Variants in DPP6 observed in about 807,000 individuals in gnomAD.
DPP6 encodes A-type potassium channel modulatory protein DPP6.
DPP6 carries 69 observed loss-of-function variants against 122.6 expected under a neutral mutation model. The observed-to-expected ratio is 0.56, with a 90% confidence interval of 0.46 to 0.69. The LOEUF (loss-of-function observed/expected upper bound fraction) is 0.69. DPP6 is among the 30% of genes least tolerant of loss of function. The pLI is 0.00. For synonymous variants in DPP6, 418 were observed against 433.1 expected (o/e 0.97, Z 0.43); for missense variants, 928 against 1,116.9 (o/e 0.83, Z 2.41).
chr7:154,392,768 AT>A (rs1291403430), intron 1 of DPP6, among the ~76,000 whole-genome samples: 1 of 152,226 alleles, frequency 6.6e-6, no homozygotes, highest in Non-Finnish European at 1.5e-5. Context: ...GCACAAGGTT[AT>A]AATTGTGTAG....
At chr7:154,753,836 G>A (rs1327640419) in intron 8 of DPP6, among the ~76,000 whole-genome samples, 2 of 152,142 alleles carry the variant, frequency 1.3e-5, no homozygotes, top group Non-Finnish European at 2.9e-5. Context: ...GACTGTGGAG[G>A]ATGCCCATGC....
chr7:154,147,926 G>A (rs1177253038), intron 1 of DPP6, among the ~76,000 whole-genome samples: 1 of 151,676 alleles, frequency 6.6e-6, no homozygotes, highest in East Asian at 1.9e-4. Flanking sequence ...CAGTGCTTTC[G>A]ATAGCCCAAG....
chr7:153,956,855 G>A (rs1453311742), intron 1 of DPP6, among the ~76,000 whole-genome samples: 1 of 152,066 alleles, frequency 6.6e-6, no homozygotes, highest in East Asian at 1.9e-4. Context: ...CAACACCATT[G>A]CTGTCTGGAA....
chr7:154,575,519 T>TGTATGTGC (rs1831581495), intron 5 of DPP6, among the ~76,000 whole-genome samples: 1 of 131,278 alleles, frequency 7.6e-6, no homozygotes, highest in African/African-American at 3.0e-5. Flanking sequence ...GTGTGGTGTG[T>TGTATGTGC]GTATGTGCGT....
At chr7:154,786,482 A>G (rs1463957375) in intron 10 of DPP6, among the ~76,000 whole-genome samples, 2 of 152,066 alleles carry the variant, frequency 1.3e-5, no homozygotes, top group Admixed American at 1.3e-4. Context: ...TGTTCTCTTG[A>G]TAGTGAATGA....
intron 5 of DPP6, among the ~76,000 whole-genome samples, chr7:154,632,246 T>C (rs1835449996): frequency 6.6e-6 from 1 of 152,180 alleles, no homozygotes; most frequent in African/African-American, 2.4e-5. Context: ...AGGCTGAACT[T>C]AAAACATGTA....
chr7:154,775,406 C>T (rs957725658), intron 10 of DPP6, among the ~76,000 whole-genome samples: 1 of 152,272 alleles, frequency 6.6e-6, no homozygotes, highest in African/African-American at 2.4e-5. Flanking sequence ...TGTACCTCAA[C>T]CTGGCCTGGG....
chr7:154,052,903 T>C lies in DPP6; in HGVS notation c.83T>C (p.Leu28Pro). 1 of 1,517,246 alleles carries C rather than the reference T, an allele frequency of 6.6e-7. No homozygotes were observed. Among genetic ancestry groups the C allele is most frequent in the Middle Eastern group, 1.8e-4 (1 of 5,592 alleles). 94.0% of individuals were successfully genotyped at this position (1,517,246 alleles called of 1,614,324 possible). The change falls in exon 1 of 26, where the codon CTG becomes CCG. Residue 28 changes from leucine (L) to proline (P), a missense_variant. Leu to Pro is a moderately conservative substitution (Grantham distance 98). Transcript: ENST00000377770. The surrounding 1 kb of genome is among the most constrained non-coding windows in gnomAD (Gnocchi z 4.8). ...FPAPPEASHL[L>P]GGQGPEEDGG... ...GCGCCCCCGGAGGCGAGTCACCTCC[T>C]GGGCGGCCAGGGGCCCGAGGAGGAC...
intron 7 of DPP6, among the ~76,000 whole-genome samples, chr7:154,694,631 C>A (rs1475603749): frequency 6.6e-6 from 1 of 152,034 alleles, no homozygotes; most frequent in Non-Finnish European, 1.5e-5. Flanking sequence ...AACCAGAAGG[C>A]ATAGGAATCT....
chr7:154,245,986 G>C (rs1045378088), intron 1 of DPP6, among the ~76,000 whole-genome samples: 1 of 152,116 alleles, frequency 6.6e-6, no homozygotes, highest in East Asian at 1.9e-4. Context: ...TATTTTTAAA[G>C]TGCAAGTAGA....
intron 4 of DPP6, among the ~76,000 whole-genome samples, chr7:154,562,248 C>T (rs940889176): frequency 4.6e-5 from 7 of 152,028 alleles, no homozygotes; most frequent in East Asian, 1.9e-4. Context: ...TAATACATCA[C>T]GGTCGAATAG....
Position 154,875,026 on chromosome 7 carries a change from A to G in DPP6, c.1884-880A>G, listed in dbSNP as rs2150651319. ...AAAGTGGGAGGATTGCTTGAGCCCCAGAGGTCAAGCCTGCAGTGAACCAAG... is the reference window on the plus strand; with the variant it reads ...AAAGTGGGAGGATTGCTTGAGCCCCGGAGGTCAAGCCTGCAGTGAACCAAG... On this transcript the variant is annotated intron_variant, in intron 19 of 25. Coordinates refer to ENST00000377770, the MANE Select transcript of DPP6 (RefSeq NM_130797.4). This position sits in a 1 kb window ranked among gnomAD's most constrained non-coding sequence, Gnocchi z 4.5. 6.6e-6 allele frequency among the ~76,000 whole-genome samples: 1 copy of G among 152,206 alleles called. No individual in the cohort carries two copies. The highest frequency in any genetic ancestry group is 2.1e-4 in the South Asian group (1 of 4,810).
chr7:154,468,082 A>G (rs1821945198), intron 2 of DPP6, among the ~76,000 whole-genome samples: 1 of 152,246 alleles, frequency 6.6e-6, no homozygotes, highest in Admixed American at 6.5e-5. Flanking sequence ...GCATGAAAAG[A>G]TGCTCAACAT....
intron 1 of DPP6, among the ~76,000 whole-genome samples, chr7:154,431,534 C>G (rs1246093569): frequency 1.0e-5 from 1 of 98,878 alleles, no homozygotes; most frequent in Non-Finnish European, 2.1e-5. Context: ...TTCTTTCTTT[C>G]TTTTTTTTTT....
chr7:154,726,970 G>A (rs1842096695), intron 7 of DPP6, among the ~76,000 whole-genome samples: 1 of 152,112 alleles, frequency 6.6e-6, no homozygotes, highest in Non-Finnish European at 1.5e-5. Flanking sequence ...CAATTCTCTA[G>A]GAAGTTTCAA....
the DPP6 span, among the ~76,000 whole-genome samples, chr7:153,870,164 G>A: frequency 6.6e-6 from 1 of 152,144 alleles, no homozygotes; most frequent in African/African-American, 2.4e-5. Context: ...TCTTTGTGGT[G>A]TTCTCTGTAC....
chr7:154,321,079 G>A (rs55815709), intron 1 of DPP6, among the ~76,000 whole-genome samples: 8,116 of 152,074 alleles, frequency 0.053, 284 homozygotes, highest in Middle Eastern at 0.085. Context: ...CAAAGAAAAT[G>A]TTCCACAGTT....
At chr7:153,964,247 C>T (rs950096169) in intron 1 of DPP6, among the ~76,000 whole-genome samples, 27 of 152,226 alleles carry the variant, frequency 1.8e-4, no homozygotes, top group African/African-American at 6.3e-4. Flanking sequence ...CCACCTGCCT[C>T]GGCCTCCCAA....
At chr7:154,544,473 T>C (rs935408534) in intron 4 of DPP6, among the ~76,000 whole-genome samples, 1 of 152,186 alleles carries the variant, frequency 6.6e-6, no homozygotes, top group African/African-American at 2.4e-5. Flanking sequence ...CTCAGCACCA[T>C]GACCTGCACA....
Sources: gnomAD v4.1 joint callset for allele counts (sites outside exome capture counted in the v4.1 genomes callset) on GRCh38, gnomAD v4.1.1 for gene constraint, Gnocchi (gnomAD v3.1) non-coding constraint, MANE v1.5 for transcripts, NCBI Gene and HGNC (gene_info 2026-07-23, HGNC 2026-07-21) for gene names.